Variants in GREB1 observed in about 807,000 individuals in gnomAD.
The protein encoded by GREB1 is protein GREB1.
GREB1 carries 106 observed loss-of-function variants against 200.7 expected under a neutral mutation model. That is an observed-to-expected ratio of 0.53 (90% CI 0.45 to 0.62). The LOEUF is 0.62. GREB1 is among the 20% of genes least tolerant of loss of function. The probability of loss-of-function intolerance (pLI) is 0.00; values close to 1 mark genes in which losing one functional copy is unlikely to be tolerated. For synonymous variants in GREB1, 1,132 were observed against 1,092.4 expected (o/e 1.04, Z -0.72); for missense variants, 2,243 against 2,556.8 (o/e 0.88, Z 2.65).
intron 1 of GREB1, among the ~76,000 whole-genome samples, chr2:11,544,271 C>T (rs1193799616): frequency 7.2e-5 from 11 of 152,076 alleles, no homozygotes; most frequent in Admixed American, 5.2e-4. Flanking sequence ...GGCTGGAGTG[C>T]GGTGGTGTGA....
chr2:11,612,478 T>C lies in GREB1; in HGVS notation c.3007-17T>C, dbSNP rs776146578. 1 of 1,583,432 alleles carries C rather than the reference T, an allele frequency of 6.3e-7. No homozygotes were observed. The highest frequency in any genetic ancestry group is 1.1e-5 in the South Asian group (1 of 90,412). ...AGGGAGGCGTCTGTGGCTTTATTTC[T>C]TTTTCGTTATCTGCAGATGTGGCAG... On this transcript the variant is annotated splice_polypyrimidine_tract_variant and intron_variant, in intron 18 of 32. Coordinates refer to ENST00000381486, the MANE Select transcript of GREB1 (RefSeq NM_014668.4).
Position 11,597,825 on chromosome 2 carries a change from G to A in GREB1, c.1999G>A (p.Val667Ile), listed in dbSNP as rs746366481. ...PHSIRPFQLA[V>I]AQKLLSHVCS... Reference sequence around the variant, plus strand: ...CAGCATCCGGCCCTTCCAGCTGGCAGTAGCGCAGAAGCTCCTCTCCCATGT... The same window carrying A: ...CAGCATCCGGCCCTTCCAGCTGGCAATAGCGCAGAAGCTCCTCTCCCATGT... The change falls in exon 14 of 33, where the codon GTA (valine) becomes ATA (isoleucine). Residue 667 changes from valine to isoleucine, a missense_variant. Transcript: ENST00000381486. This position sits in a 1 kb window ranked among gnomAD's most constrained non-coding sequence, Gnocchi z 4.1. 6.2e-6 allele frequency: 10 copies of A among 1,614,112 alleles called. No homozygotes were observed. In the South Asian group the frequency reaches 7.7e-5, roughly 12 times the overall value.
At chr2:11,484,444 T>C (rs541744366) in intron 1 of GREB1, among the ~76,000 whole-genome samples, 1 of 152,236 alleles carries the variant, frequency 6.6e-6, no homozygotes, top group African/African-American at 2.4e-5. Flanking sequence ...ACAAGCATTC[T>C]TTCTTGAGTA....
intron 4 of GREB1, among the ~76,000 whole-genome samples, chr2:11,566,946 T>C (rs929031677): frequency 6.6e-6 from 1 of 152,120 alleles, no homozygotes; most frequent in Non-Finnish European, 1.5e-5. Flanking sequence ...CAAGAATGGG[T>C]GACAAACCCT....
intron 15 of GREB1, 64 bp from the exon 16 acceptor site, chr2:11,600,736 C>T: frequency 1.5e-6 from 2 of 1,343,946 alleles, no homozygotes; most frequent in Non-Finnish European, 2.1e-6. Flanking sequence ...TATTCAACTG[C>T]TTCACCTTGC....
intron 1 of GREB1, among the ~76,000 whole-genome samples, chr2:11,528,141 A>G (rs1243865712): frequency 2.0e-5 from 3 of 152,252 alleles, no homozygotes; most frequent in Admixed American, 2.0e-4. Context: ...TGTTCACACC[A>G]GGAAAGTGCC....
chr2:11,611,309 A>G (rs1196811504), intron 18 of GREB1, among the ~76,000 whole-genome samples: 1 of 151,650 alleles, frequency 6.6e-6, no homozygotes. Flanking sequence ...TGTTTAGCTG[A>G]TGCTTCTTTA....
At position 11,633,533 on chromosome 2, in the gene GREB1, C is replaced by T. The variant is rs1387749718; in HGVS notation, c.4991+470C>T. On this transcript the variant is annotated intron_variant, in intron 28 of 32. Transcript: ENST00000381486. This position sits in a 1 kb window ranked among gnomAD's most constrained non-coding sequence, Gnocchi z 4.1. Reference sequence around the variant, plus strand: ...AAGTGGAGATGGCGCCACTGCACTCCAGCCTGGCAGACAGAGCGAGACTCC... The same window carrying T: ...AAGTGGAGATGGCGCCACTGCACTCTAGCCTGGCAGACAGAGCGAGACTCC... Among the ~76,000 whole-genome samples the T allele has an allele frequency of 6.7e-6, 1 of 149,492 alleles. No homozygotes were observed. Among genetic ancestry groups the T allele is most frequent in the Non-Finnish European group, 1.5e-5 (1 of 67,628 alleles).
intron 17 of GREB1, among the ~76,000 whole-genome samples, chr2:11,604,274 T>A (rs1682050937): frequency 6.6e-6 from 1 of 152,232 alleles, no homozygotes; most frequent in Non-Finnish European, 1.5e-5. Context: ...CTTCCTGGGT[T>A]TGAATCCTGA....
At chr2:11,550,172 GT>G (rs1194416746) in intron 1 of GREB1, among the ~76,000 whole-genome samples, 1 of 152,184 alleles carries the variant, frequency 6.6e-6, no homozygotes. Flanking sequence ...GAGCGAGATT[GT>G]GCCATTGCAC....
intron 7 of GREB1, chr2:11,581,222 C>G: frequency 1.8e-6 from 1 of 562,654 alleles, no homozygotes; most frequent in South Asian, 2.5e-5. Flanking sequence ...TCTTGTTAGT[C>G]AGGGGACCTT....
At chr2:11,636,887 T>G (rs74187975) in intron 30 of GREB1, among the ~76,000 whole-genome samples, 21,679 of 85,446 alleles carry the variant, frequency 0.25, 2,483 homozygotes, top group Middle Eastern at 0.39. Flanking sequence ...GGCAGGGGCA[T>G]GGACAGAGCC....
chr2:11,580,674 C>A lies in GREB1; in HGVS notation c.773-30C>A. The stretch of plus-strand genomic sequence containing the variant: ...CTCCCAGGGCATTCTTGTGAACTGA[C>A]CCTCCTCTTTGCCTTCTATCTGTTT... On this transcript the variant is annotated intron_variant, in intron 6 of 32. Transcript: ENST00000381486. The surrounding 1 kb of genome is among the most constrained non-coding windows in gnomAD (Gnocchi z 4.5). 6.3e-7 allele frequency: 1 copy of A among 1,588,420 alleles called. No individual in the cohort carries two copies. Among genetic ancestry groups the A allele is most frequent in the Non-Finnish European group, 8.6e-7 (1 of 1,165,122 alleles).
intron 15 of GREB1, among the ~76,000 whole-genome samples, chr2:11,599,186 G>A (rs1033751330): frequency 1.7e-4 from 26 of 152,258 alleles, no homozygotes; most frequent in African/African-American, 6.3e-4. Flanking sequence ...TGCCTGATGT[G>A]TTTCTTTCAT....
chr2:11,584,340 T>C (rs924418465), intron 7 of GREB1, among the ~76,000 whole-genome samples: 4 of 152,150 alleles, frequency 2.6e-5, no homozygotes, highest in Admixed American at 2.0e-4. Context: ...GGATGACTCA[T>C]TGGAGTGGAT....
chr2:11,534,878 G>A (rs1007833661), intron 1 of GREB1, among the ~76,000 whole-genome samples: 3 of 152,190 alleles, frequency 2.0e-5, no homozygotes, highest in Admixed American at 1.3e-4. Context: ...AGGCAGAGAA[G>A]GTTGACTGGG....
chr2:11,596,311 G>A lies in GREB1; in HGVS notation c.1954+72G>A, dbSNP rs150645771. 434 of 1,398,976 alleles carry A rather than the reference G, an allele frequency of 3.1e-4. 3 individuals are homozygous for A. The African/African-American group carries it at 4.5e-3, about 15-fold the overall frequency. 86.7% of individuals were successfully genotyped at this position (1,398,976 alleles called of 1,614,324 possible). ...GTGATGAGGGGCAGGGTCAGTGGGC[G>A]CAGGTGTGCACAGTGAGAGGGGCCA... On this transcript the variant is annotated intron_variant, in intron 13 of 32. Coordinates refer to ENST00000381486, the MANE Select transcript of GREB1 (RefSeq NM_014668.4).
chr2:11,629,917 G>T lies in GREB1; in HGVS notation c.4450-31G>T. On this transcript the variant is annotated intron_variant, in intron 25 of 32. Coordinates refer to ENST00000381486, the MANE Select transcript of GREB1 (RefSeq NM_014668.4). This position sits in a 1 kb window ranked among gnomAD's most constrained non-coding sequence, Gnocchi z 5.2. ...TCTGGGAAGCAGGCCGGACTCTGAC[G>T]GCAAGCTCTGTCCTTTCCCCCACAC... 1 of 1,607,642 alleles carries T rather than the reference G, an allele frequency of 6.2e-7. No individual in the cohort carries two copies. Among genetic ancestry groups the T allele is most frequent in the Non-Finnish European group, 8.5e-7 (1 of 1,175,444 alleles).
intron 1 of GREB1, among the ~76,000 whole-genome samples, chr2:11,541,449 G>GT (rs1674741029): frequency 6.6e-6 from 1 of 152,000 alleles, no homozygotes; most frequent in Non-Finnish European, 1.5e-5. Flanking sequence ...AAGTGAGAGG[G>GT]GGGCCATGGG....
Sources: allele counts gnomAD v4.1 joint callset (sites outside exome capture counted in the v4.1 genomes callset), GRCh38; gene constraint gnomAD v4.1.1; non-coding constraint Gnocchi (gnomAD v3.1); transcripts MANE v1.5; gene names NCBI Gene and HGNC (gene_info 2026-07-23, HGNC 2026-07-21).